PEAK1: variants seen among roughly 807,000 people sequenced by gnomAD.
PEAK1 encodes the protein pseudopodium enriched atypical kinase 1, also known as inactive tyrosine-protein kinase PEAK1.
PEAK1 carries 54 observed loss-of-function variants against 124.7 expected under a neutral mutation model. The ratio of observed to expected loss-of-function variants is 0.43; its 90% CI spans 0.35 to 0.54. The LOEUF (loss-of-function observed/expected upper bound fraction) is 0.54. Among genes scored for constraint, PEAK1 ranks in the 20% least tolerant of loss-of-function variants. The pLI is 0.01. For missense variants in PEAK1, 2,046 were observed against 2,134.5 expected, an observed-to-expected ratio of 0.96 and a Z score of 0.82; for synonymous variants, 719 against 760.0, an observed-to-expected ratio of 0.95 and a Z score of 0.89.
At position 77,122,421 on chromosome 15, in the gene PEAK1, C is replaced by T. The variant is rs972385868; in HGVS notation, c.4078-7102G>A. On this transcript the variant is annotated intron_variant, in intron 9 of 9. Transcript: ENST00000682557. ...TGTGTTCCTGAGCCAGTAATTTAGG[C>T]TGACAGAATGATGCCCAGGATGTTC... Among the ~76,000 whole-genome samples the T allele has an allele frequency of 2.0e-5, 3 of 152,178 alleles. No individual in the cohort carries two copies. In the South Asian group the frequency reaches 6.2e-4, roughly 31 times the overall value.
intron 6 of PEAK1, among the ~76,000 whole-genome samples, chr15:77,246,056 T>C (rs2060569928): frequency 6.6e-6 from 1 of 151,966 alleles, no homozygotes; most frequent in South Asian, 2.1e-4. Context: ...GTCGCCAGGC[T>C]GGAGTGCAGT....
At chr15:77,167,757 C>CT (rs1345901692) in intron 7 of PEAK1, among the ~76,000 whole-genome samples, 6 of 151,824 alleles carry the variant, frequency 4.0e-5, no homozygotes, top group African/African-American at 1.5e-4. Context: ...TTTCATTATA[C>CT]TTTAAGTTCT....
chr15:77,122,701 C>T (rs537844325), intron 9 of PEAK1, among the ~76,000 whole-genome samples: 51 of 152,256 alleles, frequency 3.3e-4, no homozygotes, highest in African/African-American at 1.2e-3. Context: ...TGAAACAAAA[C>T]GGACACAAAA....
rs1024081631 is a variant in PEAK1 at position 77,402,807 on chromosome 15, A to T, written c.-666+17199T>A. 4 of 985,242 alleles carry T rather than the reference A, an allele frequency of 4.1e-6. No individual in the cohort carries two copies. The African/African-American group carries it at 7.0e-5, about 17-fold the overall frequency. 61.0% of individuals were successfully genotyped at this position (985,242 alleles called of 1,614,324 possible). ...GAATCTTGCTTACTTCATTCAGGAT[A>T]GATAAAAGCCATGTTGTATGAAAAA... On this transcript the variant is annotated intron_variant, in intron 1 of 9. Coordinates refer to ENST00000682557, the MANE Select transcript of PEAK1 (RefSeq NM_001385026.1).
intron 1 of PEAK1, among the ~76,000 whole-genome samples, chr15:77,383,103 A>C (rs2069622186): frequency 6.7e-6 from 1 of 149,420 alleles, no homozygotes; most frequent in African/African-American, 2.5e-5. Flanking sequence ...AACTCACTGC[A>C]ACCTCCGTTG....
At chr15:77,383,159 G>A (rs892843871) in intron 1 of PEAK1, among the ~76,000 whole-genome samples, 2 of 151,878 alleles carry the variant, frequency 1.3e-5, no homozygotes, top group Non-Finnish European at 2.9e-5. Context: ...GAGTAGCTGG[G>A]ATTACAGGCT....
intron 1 of PEAK1, among the ~76,000 whole-genome samples, chr15:77,376,891 A>C (rs1182783451): frequency 6.6e-6 from 1 of 152,194 alleles, no homozygotes; most frequent in Non-Finnish European, 1.5e-5. Flanking sequence ...TCTCTTACCA[A>C]CAGGGATACA....
chr15:77,274,239 C>A (rs1016959191), intron 5 of PEAK1, among the ~76,000 whole-genome samples: 1 of 152,028 alleles, frequency 6.6e-6, no homozygotes, highest in Non-Finnish European at 1.5e-5. Context: ...GACCAGAACC[C>A]GAAAGCAAAC....
At chr15:77,400,463 A>C (rs750286731) in intron 1 of PEAK1, among the ~76,000 whole-genome samples, 10 of 152,146 alleles carry the variant, frequency 6.6e-5, no homozygotes, top group Non-Finnish European at 1.0e-4. Flanking sequence ...TACACAATGG[A>C]GTACTATACA....
At position 77,172,653 on chromosome 15, in the gene PEAK1, C is replaced by A. The variant is rs542983114; in HGVS notation, c.3137+6137G>T. Among the ~76,000 whole-genome samples the A allele has an allele frequency of 2.6e-5, 4 of 152,302 alleles. No individual in the cohort carries two copies. The East Asian group carries it at 7.7e-4, about 29-fold the overall frequency. ...AAGTATTTTTCTTTGAGAAAACCAT[C>A]ATACTTTGTTACACAGCAGAAGTAT... On this transcript the variant is annotated intron_variant, in intron 7 of 9. Coordinates refer to ENST00000682557, the MANE Select transcript of PEAK1 (RefSeq NM_001385026.1).
chr15:77,419,790 G>A (rs1380909955), intron 1 of PEAK1, among the ~76,000 whole-genome samples: 1 of 148,506 alleles, frequency 6.7e-6, no homozygotes, highest in African/African-American at 2.4e-5. Flanking sequence ...GGGCGCGGGG[G>A]TGGCCGGGGA....
chr15:77,293,017 T>G (rs2063301939), intron 2 of PEAK1, among the ~76,000 whole-genome samples: 1 of 152,166 alleles, frequency 6.6e-6, no homozygotes, highest in South Asian at 2.1e-4. Context: ...CAAACCAGTC[T>G]TCTGCTGTAT....
At chr15:77,302,359 TATC>T (rs2063832072) in intron 2 of PEAK1, among the ~76,000 whole-genome samples, 1 of 152,234 alleles carries the variant, frequency 6.6e-6, no homozygotes, top group African/African-American at 2.4e-5. Context: ...AATGAGTTCA[TATC>T]AATGTCTCCA....
At chr15:77,278,021 T>C (rs1262124651) in intron 5 of PEAK1, among the ~76,000 whole-genome samples, 1 of 152,114 alleles carries the variant, frequency 6.6e-6, no homozygotes, top group Non-Finnish European at 1.5e-5. Context: ...GTGATTATGA[T>C]GTCTCAATGA....
In PEAK1 at chr15:77,108,492, TCCCAA is replaced by T. The variant is rs1349153104; in HGVS notation, c.*5659_*5663del. ...TGCCCTGCATATCCTCAACAGAAAATCCCAACCCAGTGTGTTCATACATCACACTC... is the reference window on the plus strand; with the variant it reads ...TGCCCTGCATATCCTCAACAGAAAATCCCAGTGTGTTCATACATCACACTC... On this transcript the variant is annotated 3_prime_UTR_variant, in exon 10 of 10. Transcript: ENST00000682557. 5.9e-5 allele frequency: 9 copies of T among 152,038 alleles called. No homozygotes were observed. The highest frequency in any genetic ancestry group is 2.2e-4 in the African/African-American group (9 of 41,368). The allele number at this position is 152,038 out of a possible 1,614,324, so 9.4% of individuals were successfully genotyped here.
intron 2 of PEAK1, among the ~76,000 whole-genome samples, chr15:77,315,938 G>T (rs1217515157): frequency 6.6e-6 from 1 of 152,074 alleles, no homozygotes; most frequent in Non-Finnish European, 1.5e-5. Flanking sequence ...AATAAACTAT[G>T]AATTTTAGCT....
intron 6 of PEAK1, among the ~76,000 whole-genome samples, chr15:77,249,479 T>A (rs2060744394): frequency 6.6e-6 from 1 of 152,206 alleles, no homozygotes; most frequent in South Asian, 2.1e-4. Context: ...AATTAGAAAT[T>A]CTGTGAATTG....
At chr15:77,255,502 G>T in intron 5 of PEAK1, 1 of 489,268 alleles carries the variant, frequency 2.0e-6, no homozygotes, top group Non-Finnish European at 2.7e-6. Context: ...ACATCATGAA[G>T]ACATGCAAAC....
At position 77,381,224 on chromosome 15, in the gene PEAK1, A is replaced by T. The variant is rs546508774; in HGVS notation, c.-665-15999T>A. On this transcript the variant is annotated intron_variant, in intron 1 of 9. Coordinates refer to ENST00000682557, the MANE Select transcript of PEAK1 (RefSeq NM_001385026.1). ...GTTGGGAGACAATGGAAGCAAGGAA[A>T]CCAACTCAACATGACATAATTGATC... 4.3e-4 allele frequency: 423 copies of T among 983,246 alleles called. 1 individual carries two copies. The highest frequency in any genetic ancestry group is 4.8e-4 in the Non-Finnish European group (401 of 827,940). The allele number at this position is 983,246 out of a possible 1,614,324, so 60.9% of individuals were successfully genotyped here. A position where few individuals can be genotyped will look rare whatever the true frequency, so the allele number is the denominator to read the frequency against.
Sources: allele counts gnomAD v4.1 joint callset (sites outside exome capture counted in the v4.1 genomes callset), GRCh38; gene constraint gnomAD v4.1.1; transcripts MANE v1.5; gene names NCBI Gene and HGNC (gene_info 2026-07-23, HGNC 2026-07-21).